NELL1: variants seen among roughly 807,000 people sequenced by gnomAD.
NELL1 encodes the protein protein kinase C-binding protein NELL1.
In NELL1, 76 loss-of-function variants were observed where a neutral mutation model predicts 107.4. That is an observed-to-expected ratio of 0.71 (90% CI 0.59 to 0.86). The LOEUF is 0.86. Ranked by LOEUF, NELL1 falls within the 40% of genes least tolerant of loss-of-function variation. The pLI, the probability that NELL1 is intolerant of heterozygous loss-of-function variation, is 0.00. For missense variants in NELL1, 1,024 were observed against 1,005.5 expected (o/e 1.02, Z -0.25); for synonymous variants, 353 against 341.2 (o/e 1.03, Z -0.38).
intron 5 of NELL1, among the ~76,000 whole-genome samples, chr11:20,892,650 G>A (rs976882288): frequency 6.6e-6 from 1 of 152,200 alleles, no homozygotes; most frequent in Admixed American, 6.5e-5. Context: ...AGTGGCTCAG[G>A]CCAGACACGG....
intron 14 of NELL1, among the ~76,000 whole-genome samples, chr11:21,353,454 C>T (rs1401128108): frequency 6.6e-6 from 1 of 152,196 alleles, no homozygotes; most frequent in African/African-American, 2.4e-5. Flanking sequence ...TTTCCACAGA[C>T]TATGCTTTTA....
chr11:21,460,623 G>A (rs771175214), intron 15 of NELL1, among the ~76,000 whole-genome samples: 2 of 152,040 alleles, frequency 1.3e-5, no homozygotes, highest in Admixed American at 6.6e-5. Context: ...TTGATTTTAA[G>A]AATAAACTGG....
chr11:20,993,892 C>CA (rs66593988), intron 12 of NELL1, among the ~76,000 whole-genome samples: 1,656 of 124,806 alleles, frequency 0.013, 17 homozygotes, highest in Middle Eastern at 0.017. Context: ...TCTTTGTTGC[C>CA]AAAAAAAAAA....
At chr11:21,174,496 T>C (rs1244882802) in intron 13 of NELL1, among the ~76,000 whole-genome samples, 1 of 151,804 alleles carries the variant, frequency 6.6e-6, no homozygotes, top group African/African-American at 2.4e-5. Flanking sequence ...CTATTTTTCA[T>C]TTCAAATGAT....
At chr11:21,376,975 T>C (rs919616330) in intron 15 of NELL1, among the ~76,000 whole-genome samples, 28 of 152,058 alleles carry the variant, frequency 1.8e-4, no homozygotes, top group Admixed American at 2.0e-4. Context: ...AGATATAGGA[T>C]TGTATTGTGC....
chr11:21,417,329 T>G (rs60271270), intron 15 of NELL1, among the ~76,000 whole-genome samples: 11,971 of 152,076 alleles, frequency 0.079, 1,530 homozygotes, highest in African/African-American at 0.27. Flanking sequence ...TTTCTTACCT[T>G]TTTGGTGGTA....
intron 12 of NELL1, among the ~76,000 whole-genome samples, chr11:21,075,654 T>C (rs912113842): frequency 6.6e-6 from 1 of 152,272 alleles, no homozygotes; most frequent in African/African-American, 2.4e-5. Context: ...TATGTTTGCT[T>C]AGGCTTGTCT....
chr11:20,695,412 C>T (rs569989714), intron 2 of NELL1, among the ~76,000 whole-genome samples: 3 of 152,126 alleles, frequency 2.0e-5, no homozygotes, highest in Admixed American at 6.6e-5. Context: ...CTGTCCAATA[C>T]GATGGTGGCT....
intron 14 of NELL1, among the ~76,000 whole-genome samples, chr11:21,230,157 G>A (rs566357510): frequency 3.9e-5 from 6 of 152,174 alleles, no homozygotes; most frequent in South Asian, 2.1e-4. Flanking sequence ...AAAATAGTAC[G>A]CTTAGTACTT....
chr11:21,085,459 C>A (rs1854367612), intron 12 of NELL1, among the ~76,000 whole-genome samples: 1 of 151,910 alleles, frequency 6.6e-6, no homozygotes, highest in African/African-American at 2.4e-5. Context: ...CTAATGAGGC[C>A]CCACCTCTAC....
chr11:21,420,764 G>T (rs1454474553), intron 15 of NELL1, among the ~76,000 whole-genome samples: 1 of 152,104 alleles, frequency 6.6e-6, no homozygotes, highest in Non-Finnish European at 1.5e-5. Context: ...ACAACAAAAA[G>T]CAGGGTGAGA....
chr11:21,048,998 A>G (rs1487840491), intron 12 of NELL1, among the ~76,000 whole-genome samples: 1 of 152,180 alleles, frequency 6.6e-6, no homozygotes, highest in East Asian at 1.9e-4. Context: ...GAAGAAACAG[A>G]GCAGGAAAAT....
chr11:21,200,425 G>A (rs950602223), intron 13 of NELL1, among the ~76,000 whole-genome samples: 39 of 151,780 alleles, frequency 2.6e-4, no homozygotes, highest in Admixed American at 2.5e-3. Flanking sequence ...CATGTTTGTT[G>A]GCCACATAAA....
rs187783970 is a variant in NELL1 at position 21,470,123 on chromosome 11, C to T, written c.1646-64251C>T. ...TCATTTAATTCTTACCACTACCTTA[C>T]GAGGTGTAGGTATTCTCAAAGAATT... is the stretch of plus-strand genomic sequence containing the variant. On this transcript the variant is annotated intron_variant, in intron 15 of 19. Coordinates refer to ENST00000357134, the MANE Select transcript of NELL1 (RefSeq NM_006157.5). Among the ~76,000 whole-genome samples the T allele has an allele frequency of 5.3e-4, 80 of 152,056 alleles. 2 individuals carry two copies. The South Asian group carries it at 0.015, about 29-fold the overall frequency.
At chr11:21,430,130 G>T (rs1480157780) in intron 15 of NELL1, among the ~76,000 whole-genome samples, 8 of 152,120 alleles carry the variant, frequency 5.3e-5, no homozygotes, top group African/African-American at 9.7e-5. Flanking sequence ...GAAGGCCAAA[G>T]ATATTAAGCT....
rs1000724425 is a variant in NELL1, at chr11:20,807,379, C to T, written c.335+23549C>T. Among the ~76,000 whole-genome samples the T allele has an allele frequency of 4.6e-5, 7 of 152,210 alleles. No individual in the cohort carries two copies. The East Asian group carries it at 1.4e-3, about 29-fold the overall frequency. The stretch of plus-strand genomic sequence containing the variant: ...GGATTGCCAGGCTGAGACTCTTGTT[C>T]TCTTCCCTTATTTTCTCCCCCAAAA... On this transcript the variant is annotated intron_variant, in intron 3 of 19. Coordinates refer to ENST00000357134, the MANE Select transcript of NELL1 (RefSeq NM_006157.5).
At chr11:21,482,014 T>A (rs1389887472) in intron 15 of NELL1, among the ~76,000 whole-genome samples, 1 of 152,190 alleles carries the variant, frequency 6.6e-6, no homozygotes, top group Non-Finnish European at 1.5e-5. Flanking sequence ...TTCCCCTCCC[T>A]GTTCTTTGTA....
intron 12 of NELL1, among the ~76,000 whole-genome samples, chr11:21,037,091 T>C (rs3897816): frequency 0.074 from 11,208 of 152,042 alleles, 701 homozygotes; most frequent in East Asian, 0.35. Context: ...CAAGTACCAG[T>C]ACTGTTTAAT....
chr11:20,925,730 T>G (rs1221861174), intron 7 of NELL1, among the ~76,000 whole-genome samples: 1 of 151,092 alleles, frequency 6.6e-6, no homozygotes, highest in African/African-American at 2.5e-5. Flanking sequence ...TAAGATCCTA[T>G]TTTTTGTTTT....
Sources: allele counts gnomAD v4.1 joint callset (sites outside exome capture counted in the v4.1 genomes callset), GRCh38; gene constraint gnomAD v4.1.1; transcripts MANE v1.5; gene names NCBI Gene and HGNC (gene_info 2026-07-23, HGNC 2026-07-21).